SPIRE1: variants seen among roughly 807,000 people sequenced by gnomAD.
The protein encoded by SPIRE1 is spire type actin nucleation factor 1, also known as protein spire homolog 1.
Under a neutral mutation model 94.1 loss-of-function variants are expected in SPIRE1, and 40 were observed. The ratio of observed to expected loss-of-function variants is 0.43; its 90% CI spans 0.33 to 0.55. The LOEUF (loss-of-function observed/expected upper bound fraction) is 0.55, where lower values mean the gene tolerates loss of function less well. Ranked by LOEUF, SPIRE1 falls within the 20% of genes least tolerant of loss-of-function variation. The pLI is 0.06. For missense variants in SPIRE1, 838 were observed against 975.2 expected, an observed-to-expected ratio of 0.86 and a Z score of 1.87; for synonymous variants, 376 against 371.7, an observed-to-expected ratio of 1.01 and a Z score of -0.13.
At chr18:12,626,953 C>A (rs2037648604) in intron 2 of SPIRE1, among the ~76,000 whole-genome samples, 1 of 141,734 alleles carries the variant, frequency 7.1e-6, no homozygotes, top group Non-Finnish European at 1.5e-5. Flanking sequence ...CAGGTCTGAA[C>A]TCTTTTGTTA....
chr18:12,653,941 C>T (rs35322088), intron 1 of SPIRE1, among the ~76,000 whole-genome samples: 35,843 of 147,642 alleles, frequency 0.24, 4,944 homozygotes, highest in Non-Finnish European at 0.32. Context: ...AGCAAAACTC[C>T]GTCTCAAAAA....
intron 2 of SPIRE1, among the ~76,000 whole-genome samples, chr18:12,567,052 A>G (rs2035838683): frequency 6.6e-6 from 1 of 152,206 alleles, no homozygotes; most frequent in African/African-American, 2.4e-5. Context: ...CGCAGATGAC[A>G]TGATCATCTA....
intron 2 of SPIRE1, among the ~76,000 whole-genome samples, chr18:12,634,791 T>G (rs757850917): frequency 1.3e-5 from 2 of 151,996 alleles, no homozygotes; most frequent in South Asian, 4.1e-4. Flanking sequence ...AAAAATTAGC[T>G]GAGCGTGGTG....
chr18:12,560,688 TAAAAATACAA>T, intron 2 of SPIRE1, among the ~76,000 whole-genome samples: 1 of 152,132 alleles, frequency 6.6e-6, no homozygotes, highest in African/African-American at 2.4e-5. Flanking sequence ...CCATCTCTAC[TAAAAATACAA>T]AAAATTAGCC....
intron 1 of SPIRE1, among the ~76,000 whole-genome samples, chr18:12,653,878 G>A (rs904848445): frequency 1.3e-4 from 20 of 151,722 alleles, no homozygotes; most frequent in African/African-American, 3.6e-4. Flanking sequence ...CCCGGGAGGC[G>A]GAAGTGGCAG....
At chr18:12,616,711 G>C (rs1012340712) in intron 2 of SPIRE1, among the ~76,000 whole-genome samples, 1 of 152,162 alleles carries the variant, frequency 6.6e-6, no homozygotes, top group African/African-American at 2.4e-5. Flanking sequence ...ATAAATTACA[G>C]GAAGAAGAGA....
chr18:12,615,408 C>T (rs867947220), intron 2 of SPIRE1, among the ~76,000 whole-genome samples: 5 of 127,214 alleles, frequency 3.9e-5, no homozygotes, highest in Middle Eastern at 4.6e-3. Flanking sequence ...GGCAAGGCGG[C>T]GTGCGCCTGT....
upstream of SPIRE1, among the ~76,000 whole-genome samples, chr18:12,660,567 C>T (rs775620822): frequency 2.0e-5 from 3 of 152,048 alleles, no homozygotes; most frequent in African/African-American, 7.2e-5. Context: ...GTGGTCCACC[C>T]GCCTCAGCCT....
intron 2 of SPIRE1, among the ~76,000 whole-genome samples, chr18:12,608,276 T>C (rs1158200362): frequency 1.3e-5 from 2 of 152,226 alleles, no homozygotes; most frequent in Non-Finnish European, 1.5e-5. Flanking sequence ...CAATCACTTA[T>C]TTTTGTTCTT....
intron 12 of SPIRE1, among the ~76,000 whole-genome samples, chr18:12,458,589 G>T (rs2031637842): frequency 6.6e-6 from 1 of 152,144 alleles, no homozygotes; most frequent in African/African-American, 2.4e-5. Context: ...ACTCCAGCCT[G>T]AGTGACAGAG....
chr18:12,450,212 A>T (rs1253713272), intron 16 of SPIRE1, among the ~76,000 whole-genome samples: 1 of 149,330 alleles, frequency 6.7e-6, no homozygotes, highest in Admixed American at 6.7e-5. Flanking sequence ...AAAAAAAAAT[A>T]GCCAGGCATG....
At chr18:12,494,902 T>C (rs919283652) in intron 7 of SPIRE1, among the ~76,000 whole-genome samples, 18 of 137,850 alleles carry the variant, frequency 1.3e-4, no homozygotes, top group Non-Finnish European at 2.5e-4. Context: ...ACAAAAAAAT[T>C]AGCCAGGCGT....
intron 12 of SPIRE1, among the ~76,000 whole-genome samples, chr18:12,458,452 A>C (rs969419261): frequency 3.3e-5 from 5 of 151,790 alleles, no homozygotes; most frequent in Admixed American, 2.6e-4. Flanking sequence ...TCTACTAAAA[A>C]TACAAAAAAA....
At chr18:12,579,268 G>A (rs1429470206) in intron 2 of SPIRE1, among the ~76,000 whole-genome samples, 1 of 151,536 alleles carries the variant, frequency 6.6e-6, no homozygotes, top group East Asian at 1.9e-4. Context: ...ATTTTAAAAC[G>A]TGTGGGGCTG....
At chr18:12,631,469 T>C (rs1206980966) in intron 2 of SPIRE1, among the ~76,000 whole-genome samples, 1 of 128,106 alleles carries the variant, frequency 7.8e-6, no homozygotes, top group Admixed American at 1.0e-4. Context: ...CCCAACACTT[T>C]GGGAGGCCGA....
intron 16 of SPIRE1, 131 bp from the exon 17 acceptor site, chr18:12,450,027 G>A (rs532345474): frequency 1.0e-6 from 1 of 973,344 alleles, no homozygotes; most frequent in Non-Finnish European, 1.5e-6. Context: ...TTAATCATAT[G>A]TCCTTCTAAA....
chr18:12,601,402 G>A (rs974371201), intron 2 of SPIRE1, among the ~76,000 whole-genome samples: 8 of 151,924 alleles, frequency 5.3e-5, no homozygotes, highest in Non-Finnish European at 7.4e-5. Context: ...CAGCCTGGGC[G>A]ATAAAGCAAG....
chr18:12,475,227 C>T (rs2032517306), intron 10 of SPIRE1, among the ~76,000 whole-genome samples: 1 of 152,208 alleles, frequency 6.6e-6, no homozygotes, highest in Non-Finnish European at 1.5e-5. Context: ...CTAAATCCTA[C>T]TACTCTTCCA....
At chr18:12,605,108 G>C (rs1312515832) in intron 2 of SPIRE1, among the ~76,000 whole-genome samples, 1 of 152,100 alleles carries the variant, frequency 6.6e-6, no homozygotes, top group Non-Finnish European at 1.5e-5. Flanking sequence ...TTATATAATG[G>C]GTAGAGTTTC....
Sources: gnomAD v4.1 joint callset for allele counts (sites outside exome capture counted in the v4.1 genomes callset) on GRCh38, gnomAD v4.1.1 for gene constraint, MANE v1.5 for transcripts, NCBI Gene and HGNC (gene_info 2026-07-23, HGNC 2026-07-21) for gene names.